Variants in HIC2 observed in about 807,000 individuals in gnomAD.
The protein encoded by HIC2 is HIC ZBTB transcriptional repressor 2.
A neutral mutation model predicts 39.5 loss-of-function variants in HIC2; 2 were observed. The ratio of observed to expected loss-of-function variants is 0.05; its 90% CI spans 0.02 to 0.16. The LOEUF (loss-of-function observed/expected upper bound fraction) is 0.16, where lower values mean the gene tolerates loss of function less well. Among genes scored for constraint, HIC2 ranks in the 10% least tolerant of loss-of-function variants. HIC2 has a pLI of 1.00. For synonymous variants in HIC2, 399 were observed against 368.8 expected, an observed-to-expected ratio of 1.08 and a Z score of -0.94; for missense variants, 713 against 863.5, an observed-to-expected ratio of 0.83 and a Z score of 2.18.
chr22:21,418,273 G>A (rs1417196640), intron 1 of HIC2, among the ~76,000 whole-genome samples: 3 of 75,544 alleles, frequency 4.0e-5, no homozygotes, highest in Admixed American at 3.5e-4. Flanking sequence ...GGGCTGAGGG[G>A]CCCCAGCTTG....
chr22:21,444,054 C>T (rs1923667112), intron 2 of HIC2, among the ~76,000 whole-genome samples: 1 of 152,222 alleles, frequency 6.6e-6, no homozygotes, highest in Admixed American at 6.5e-5. Flanking sequence ...CTCAGAACCC[C>T]ATGTCTTGCT....
At chr22:21,444,481 A>G (rs1197500197) in intron 2 of HIC2, among the ~76,000 whole-genome samples, 2 of 152,220 alleles carry the variant, frequency 1.3e-5, no homozygotes, top group Non-Finnish European at 2.9e-5. Context: ...GATTTTTGCC[A>G]GCTTTCAAGA....
chr22:21,446,833 C>T lies in HIC2; in HGVS notation c.*90C>T. Reference sequence around the variant, plus strand: ...AGGTGATGCAGCAGCAGGGGCAAGACCCTGGGTCCAGTGGAGGCTCCGGGT... The same window carrying T: ...AGGTGATGCAGCAGCAGGGGCAAGATCCTGGGTCCAGTGGAGGCTCCGGGT... On this transcript the variant is annotated 3_prime_UTR_variant, in exon 3 of 3. Coordinates refer to ENST00000407464, the MANE Select transcript of HIC2 (RefSeq NM_015094.3). 6.7e-7 allele frequency: 1 copy of T among 1,500,650 alleles called. No individual in the cohort carries two copies. Among genetic ancestry groups the T allele is most frequent in the Non-Finnish European group, 8.9e-7 (1 of 1,126,828 alleles). The allele number at this position is 1,500,650 out of a possible 1,614,324, so 93.0% of individuals were successfully genotyped here. A position where few individuals can be genotyped will look rare whatever the true frequency, so the allele number is the denominator to read the frequency against.
intron 1 of HIC2, among the ~76,000 whole-genome samples, chr22:21,420,205 GAAGA>G (rs1923028847): frequency 8.5e-6 from 1 of 117,874 alleles, no homozygotes; most frequent in Admixed American, 1.2e-4. Context: ...TTCACCGCGG[GAAGA>G]AAGAACACAT....
intron 2 of HIC2, among the ~76,000 whole-genome samples, chr22:21,443,198 C>T (rs1169477225): frequency 6.6e-6 from 1 of 152,156 alleles, no homozygotes; most frequent in East Asian, 1.9e-4. Flanking sequence ...ACGAAGTCTC[C>T]AGCCCATGAG....
chr22:21,446,100 G>C lies in HIC2; in HGVS notation c.1205G>C (p.Gly402Ala). Residue 402 changes from glycine (G) to alanine (A), a missense_variant, in exon 3 of 3, where the codon GGC (glycine) becomes GCC (alanine). Transcript: ENST00000407464. ...PYPCKEEEEN[G>A]KDASEDSAQS... ...CCCTGCAAGGAGGAGGAGGAGAACG[G>C]CAAGGATGCAAGTGAAGACAGTGCG... 1 of 1,607,786 alleles carries C rather than the reference G, an allele frequency of 6.2e-7. No homozygotes were observed. The highest frequency in any genetic ancestry group is 1.1e-5 in the South Asian group (1 of 91,066).
Position 21,446,065 on chromosome 22 carries a change from GC to G in HIC2, c.1176del (p.Tyr393ThrfsTer137). 6.2e-7 allele frequency: 1 copy of G among 1,606,652 alleles called. No individual in the cohort carries two copies. ...GAGPSGPYGEPPYPCKEEEEN... is the reference protein window; with the variant it reads ...GAGPSGPYGEXPYPCKEEEEN... ...CTGGCCCTAGCGGGCCCTATGGGGA[GC>G]CCCCCTACCCCTGCAAGGAGGAGGA... is the stretch of plus-strand genomic sequence containing the variant. On this transcript the variant is annotated frameshift_variant, in exon 3 of 3. Coordinates refer to ENST00000407464, the MANE Select transcript of HIC2 (RefSeq NM_015094.3). LOFTEE classifies it high-confidence loss of function.
chr22:21,443,190 G>A (rs1427373355), intron 2 of HIC2, among the ~76,000 whole-genome samples: 1 of 152,158 alleles, frequency 6.6e-6, no homozygotes, highest in African/African-American at 2.4e-5. Flanking sequence ...ATTGGTTCAC[G>A]AAGTCTCCAG....
At chr22:21,432,701 A>AT in intron 1 of HIC2, among the ~76,000 whole-genome samples, 1 of 145,898 alleles carries the variant, frequency 6.9e-6, no homozygotes, top group Admixed American at 6.7e-5. Flanking sequence ...AAAAAAGTCA[A>AT]TTGGACCTTA....
At position 21,446,797 on chromosome 22, in the gene HIC2, A is replaced by T; in HGVS notation, c.*54A>T. ...CACCTTGCTCCCCGGGAACCCATGG[A>T]AGGAGAAGCGAGGTGATGCAGCAGC... is the stretch of plus-strand genomic sequence containing the variant. On this transcript the variant is annotated 3_prime_UTR_variant, in exon 3 of 3. Transcript: ENST00000407464. 6.4e-7 allele frequency: 1 copy of T among 1,555,904 alleles called. No homozygotes were observed. Among genetic ancestry groups the T allele is most frequent in the Non-Finnish European group, 8.7e-7 (1 of 1,149,488 alleles).
At position 21,445,703 on chromosome 22, in the gene HIC2, G is replaced by A. The variant is rs561071418; in HGVS notation, c.808G>A (p.Ala270Thr). The A allele has an allele frequency of 3.1e-5, 50 of 1,611,998 alleles. No individual in the cohort carries two copies. In the South Asian group the frequency reaches 4.1e-4, roughly 13 times the overall value. The part of the protein sequence containing the change: ...TPGPHLTPDD[A>T]AQLSDSQHGS... ...AGGTCCCCACCTCACTCCCGATGAC[G>A]CAGCCCAGCTGAGCGACAGCCAACA... The change falls in exon 3 of 3, where the codon GCA (alanine) becomes ACA (threonine). Residue 270 changes from alanine to threonine, a missense_variant. Transcript: ENST00000407464.
chr22:21,449,531 A>G lies in HIC2; in HGVS notation c.*2788A>G, dbSNP rs1452117623. 1 of 152,814 alleles carries G rather than the reference A, an allele frequency of 6.5e-6. No homozygotes were observed. Among genetic ancestry groups the G allele is most frequent in the African/African-American group, 2.4e-5 (1 of 41,460 alleles). The allele number at this position is 152,814 out of a possible 1,614,324, so 9.5% of individuals were successfully genotyped here. A position where few individuals can be genotyped will look rare whatever the true frequency, so the allele number is the denominator to read the frequency against. Reference sequence around the variant, plus strand: ...ATGGGCTCAGAAAAAAGATGCTAATATATTTATCTCATTGTTTACATAAGC... The same window carrying G: ...ATGGGCTCAGAAAAAAGATGCTAATGTATTTATCTCATTGTTTACATAAGC... On this transcript the variant is annotated 3_prime_UTR_variant, in exon 3 of 3. Coordinates refer to ENST00000407464, the MANE Select transcript of HIC2 (RefSeq NM_015094.3).
At position 21,446,541 on chromosome 22, in the gene HIC2, C is replaced by T; in HGVS notation, c.1646C>T (p.Thr549Met). Residue 549 changes from threonine to methionine, a missense_variant, in exon 3 of 3, where the codon ACG becomes ATG. Physicochemically the swap from Thr to Met is moderately conservative, Grantham distance 81. Transcript: ENST00000407464. ...ATGTTCACGCAGCGCGGCACCATGA[C>T]GCGTCACATGCGGAGCCACCTGGGC... is the stretch of plus-strand genomic sequence containing the variant. Reference protein sequence around the residue: ...GKMFTQRGTMTRHMRSHLGLK... With the variant: ...GKMFTQRGTMMRHMRSHLGLK... 1 of 1,613,178 alleles carries T rather than the reference C, an allele frequency of 6.2e-7. No homozygotes were observed. Among genetic ancestry groups the T allele is most frequent in the Non-Finnish European group, 8.5e-7 (1 of 1,180,020 alleles).
rs1923997617 is a variant in HIC2 at position 21,448,723 on chromosome 22, C to T, written c.*1980C>T. The T allele has an allele frequency of 6.5e-6, 1 of 152,694 alleles. No individual in the cohort carries two copies. The highest frequency in any genetic ancestry group is 1.5e-5 in the Non-Finnish European group (1 of 68,086). 9.5% of individuals were successfully genotyped at this position (152,694 alleles called of 1,614,324 possible). A position where few individuals can be genotyped will look rare whatever the true frequency, so the allele number is the denominator to read the frequency against. ...AGATGAGGCTCCTGGCTGAGCCCTC[C>T]CTGTGGTGATCCCAGCCTAAGATGG... On this transcript the variant is annotated 3_prime_UTR_variant, in exon 3 of 3. Transcript: ENST00000407464.
Position 21,445,864 on chromosome 22 carries a change from T to C in HIC2, c.969T>C (p.Gly323=). 1.3e-6 allele frequency: 2 copies of C among 1,595,836 alleles called. No homozygotes were observed. Among genetic ancestry groups the C allele is most frequent in the Non-Finnish European group, 1.7e-6 (2 of 1,172,016 alleles). The change falls in exon 3 of 3, where the codon GGT becomes GGC. Residue 323 remains glycine, a synonymous_variant. Transcript: ENST00000407464. ...DNHLSLLEAP[G]GQPRKSLRHS... ...ACCTGAGCCTGCTGGAGGCGCCTGG[T>C]GGGCAGCCTCGGAAGAGCCTCCGGC...
chr22:21,430,959 A>C (rs1923305133), intron 1 of HIC2, among the ~76,000 whole-genome samples: 1 of 57,306 alleles, frequency 1.7e-5, no homozygotes, highest in Non-Finnish European at 2.9e-5. Context: ...TAAACCTACT[A>C]TTGGTTGAAT....
chr22:21,446,487 G>A lies in HIC2; in HGVS notation c.1592G>A (p.Arg531Gln), dbSNP rs1361156540. 2 of 1,612,462 alleles carry A rather than the reference G, an allele frequency of 1.2e-6. No individual in the cohort carries two copies. The highest frequency in any genetic ancestry group is 1.7e-6 in the Non-Finnish European group (2 of 1,180,038). ...CACGAGAAGACGCACTGGCTGACAC[G>A]GCCCTTCCCCTGCAACATCTGTGGC... is the stretch of plus-strand genomic sequence containing the variant. ...RQHEKTHWLT[R>Q]PFPCNICGKM... Residue 531 changes from arginine to glutamine, a missense_variant, in exon 3 of 3, where the codon CGG becomes CAG. Around this residue, in one of 5 missense-constraint regions of HIC2, gnomAD observed 103 missense variants for 103.4 expected, o/e 1.00. Coordinates refer to ENST00000407464, the MANE Select transcript of HIC2 (RefSeq NM_015094.3).
At position 21,445,613 on chromosome 22, in the gene HIC2, G is replaced by C; in HGVS notation, c.718G>C (p.Gly240Arg). 1.3e-6 allele frequency: 2 copies of C among 1,578,826 alleles called. No individual in the cohort carries two copies. The highest frequency in any genetic ancestry group is 2.3e-5 in the South Asian group (2 of 86,540). Residue 240 changes from glycine (G) to arginine (R), a missense_variant, in exon 3 of 3, where the codon GGC (glycine) becomes CGC (arginine). Gly to Arg is a moderately radical substitution (Grantham distance 125). Around this residue, in one of 5 missense-constraint regions of HIC2, gnomAD observed 457 missense variants for 420.2 expected, o/e 1.09. Coordinates refer to ENST00000407464, the MANE Select transcript of HIC2 (RefSeq NM_015094.3). The part of the protein sequence containing the change: ...CSSSTNGSSG[G>R]CEQELGLDLS... ...CAGCAGCACCAACGGGAGCAGCGGG[G>C]GCTGCGAGCAGGAGCTGGGCTTGGA...
In HIC2 at chr22:21,417,505, G is replaced by T. The variant is rs1922909617; in HGVS notation, c.-129G>T. On this transcript the variant is annotated 5_prime_UTR_variant, in exon 1 of 3. Transcript: ENST00000407464. ...CGCGAGCCGGGCGCTGAGGACAAGG[G>T]CCGCTGGTAGGGCCGGCCGGCCGGC... 6.8e-6 allele frequency: 1 copy of T among 146,034 alleles called. No individual in the cohort carries two copies. The highest frequency in any genetic ancestry group is 1.5e-5 in the Non-Finnish European group (1 of 65,872). The allele number at this position is 146,034 out of a possible 1,614,324, so 9.0% of individuals were successfully genotyped here.
Sources: gnomAD v4.1 joint callset for allele counts (sites outside exome capture counted in the v4.1 genomes callset) on GRCh38, gnomAD v4.1.1 for gene constraint, gnomAD v4.1.1 regional missense constraint, MANE v1.5 for transcripts, NCBI Gene and HGNC (gene_info 2026-07-23, HGNC 2026-07-21) for gene names.